Variants in NR2F6 observed in about 807,000 individuals in gnomAD.
NR2F6 encodes nuclear receptor subfamily 2 group F member 6.
NR2F6 carries 16 observed loss-of-function variants against 26.5 expected under a neutral mutation model. The observed-to-expected ratio is 0.60, with a 90% confidence interval of 0.41 to 0.92. NR2F6 has a LOEUF of 0.92. Among genes scored for constraint, NR2F6 ranks in the 40% least tolerant of loss-of-function variants. NR2F6 has a pLI of 0.00. For missense variants in NR2F6, 536 were observed against 631.7 expected, an observed-to-expected ratio of 0.85 and a Z score of 1.62; for synonymous variants, 325 against 305.0, an observed-to-expected ratio of 1.07 and a Z score of -0.68.
Position 17,240,948 on chromosome 19 carries a change from C to T in NR2F6, c.279-183G>A, listed in dbSNP as rs532809304. ...GGTCTGCAAACCAGACAGGATAACC[C>T]GGATGAGTGGTGATGGATGAAGAGG... On this transcript the variant is annotated intron_variant, in intron 1 of 3. Coordinates refer to ENST00000291442, the MANE Select transcript of NR2F6 (RefSeq NM_005234.4). Among the ~76,000 whole-genome samples, 11 of 152,294 alleles carry T rather than the reference C, an allele frequency of 7.2e-5. No homozygotes were observed. The South Asian group carries it at 8.3e-4, about 11-fold the overall frequency.
At chr19:17,242,546 G>C (rs1031999811) in intron 1 of NR2F6, among the ~76,000 whole-genome samples, 2 of 152,122 alleles carry the variant, frequency 1.3e-5, no homozygotes. Flanking sequence ...GAGGATCTGC[G>C]CCCACTCCCC....
chr19:17,235,485 G>T lies in NR2F6; in HGVS notation c.940+14C>A, dbSNP rs971242076. 1.9e-6 allele frequency: 3 copies of T among 1,571,740 alleles called. No homozygotes were observed. The highest frequency in any genetic ancestry group is 2.6e-6 in the Non-Finnish European group (3 of 1,165,400). On this transcript the variant is annotated intron_variant, in intron 3 of 3. Transcript: ENST00000291442. The surrounding 1 kb of genome is among the most constrained non-coding windows in gnomAD (Gnocchi z 5.0). ...GTCCCCCCATCCCGCGGCCCTCTTCGGAGCGTGGCTCACCGGGCGTGAAGA... is the reference window on the plus strand; with the variant it reads ...GTCCCCCCATCCCGCGGCCCTCTTCTGAGCGTGGCTCACCGGGCGTGAAGA...
rs1235104018 is a variant in NR2F6, at chr19:17,232,313, T to C, written c.*39A>G. 6.2e-7 allele frequency: 1 copy of C among 1,613,274 alleles called. No homozygotes were observed. Among genetic ancestry groups the C allele is most frequent in the Admixed American group, 1.7e-5 (1 of 59,986 alleles). On this transcript the variant is annotated 3_prime_UTR_variant, in exon 4 of 4. Transcript: ENST00000291442. ...AGCATTCCCTGTCCCTTGAGGTCTG[T>C]CTGCAGGCCTGGCCACAGCACACGT...
intron 2 of NR2F6, among the ~76,000 whole-genome samples, chr19:17,238,779 A>G (rs2073452928): frequency 2.0e-5 from 3 of 152,198 alleles, no homozygotes; most frequent in Admixed American, 2.0e-4. Context: ...AAAAAACAAC[A>G]GCTTTACGCC....
In NR2F6 at chr19:17,245,289, G is replaced by A; in HGVS notation, c.-69C>T. The A allele has an allele frequency of 8.5e-7, 1 of 1,175,554 alleles. No homozygotes were observed. The highest frequency in any genetic ancestry group is 1.1e-6 in the Non-Finnish European group (1 of 949,128). The allele number at this position is 1,175,554 out of a possible 1,614,324, so 72.8% of individuals were successfully genotyped here. On this transcript the variant is annotated 5_prime_UTR_variant, in exon 1 of 4. Transcript: ENST00000291442. This position sits in a 1 kb window ranked among gnomAD's most constrained non-coding sequence, Gnocchi z 5.0. Reference sequence around the variant, plus strand: ...CCTCCGGGCACCCCTCTCGGCCCGGGGGACCCTACGCGGCGCGCATTCGGC... The same window carrying A: ...CCTCCGGGCACCCCTCTCGGCCCGGAGGACCCTACGCGGCGCGCATTCGGC...
In NR2F6 at chr19:17,235,721, T is replaced by C; in HGVS notation, c.718A>G (p.Ser240Gly). 1 of 1,501,972 alleles carries C rather than the reference T, an allele frequency of 6.7e-7. No homozygotes were observed. Among genetic ancestry groups the C allele is most frequent in the Non-Finnish European group, 8.8e-7 (1 of 1,134,314 alleles). 93.0% of individuals were successfully genotyped at this position (1,501,972 alleles called of 1,614,324 possible). The part of the protein sequence containing the change: ...DQVALLRLSW[S>G]ELFVLNAAQA... ...GCCGCGTTCAGCACGAAGAGCTCGC[T>C]CCAGCTCAGGCGCAGCAGCGCCACC... is the stretch of plus-strand genomic sequence containing the variant. Residue 240 changes from serine (S) to glycine (G), a missense_variant, in exon 3 of 4, where the codon AGC (serine) becomes GGC (glycine). By Grantham distance (56) the Ser-to-Gly change is moderately conservative. Coordinates refer to ENST00000291442, the MANE Select transcript of NR2F6 (RefSeq NM_005234.4). The surrounding 1 kb of genome is among the most constrained non-coding windows in gnomAD (Gnocchi z 5.0).
chr19:17,237,577 A>G (rs1054669155), intron 2 of NR2F6, among the ~76,000 whole-genome samples: 1 of 151,594 alleles, frequency 6.6e-6, no homozygotes, highest in Non-Finnish European at 1.5e-5. Flanking sequence ...ACGCCTGGCT[A>G]ATTTTTGTAT....
intron 1 of NR2F6, among the ~76,000 whole-genome samples, chr19:17,241,949 G>C (rs1288570073): frequency 1.3e-5 from 2 of 151,408 alleles, no homozygotes; most frequent in African/African-American, 4.9e-5. Flanking sequence ...TGGGGAGGTG[G>C]AGGTTGCAGT....
chr19:17,234,349 T>C lies in NR2F6; in HGVS notation c.940+1150A>G, dbSNP rs970708360. 3.9e-5 allele frequency among the ~76,000 whole-genome samples: 6 copies of C among 152,216 alleles called. No individual in the cohort carries two copies. In the East Asian group the frequency reaches 9.7e-4, roughly 24 times the overall value. On this transcript the variant is annotated intron_variant, in intron 3 of 3. Coordinates refer to ENST00000291442, the MANE Select transcript of NR2F6 (RefSeq NM_005234.4). ...GGGAAAATCAGAGCTCACTGGAGCC[T>C]CGAACTCCTGGGCTCAAGTGGTTCT...
rs2073413948 is a variant in NR2F6, at chr19:17,232,609, C to G, written c.958G>C (p.Asp320His). ...TGCAGGCTCTCAACGTGGGCCGGGT[C>G]TGAGAGGCCACAGGCGTCTAGGGGG... The part of the protein sequence containing the change: ...LFTPDACGLS[D>H]PAHVESLQEK... Residue 320 changes from aspartate to histidine, a missense_variant, in exon 4 of 4, where the codon GAC becomes CAC. Asp to His is a moderately conservative substitution (Grantham distance 81). Coordinates refer to ENST00000291442, the MANE Select transcript of NR2F6 (RefSeq NM_005234.4). 6.5e-7 allele frequency: 1 copy of G among 1,549,548 alleles called. No homozygotes were observed. The highest frequency in any genetic ancestry group is 2.3e-5 in the East Asian group (1 of 44,368).
rs1275857402 is a variant in NR2F6, at chr19:17,235,844, T to C, written c.595A>G (p.Ile199Val). 124 of 1,473,364 alleles carry C rather than the reference T, an allele frequency of 8.4e-5. No individual in the cohort carries two copies. The highest frequency in any genetic ancestry group is 1.1e-4 in the Non-Finnish European group (121 of 1,121,052). 91.3% of individuals were successfully genotyped at this position (1,473,364 alleles called of 1,614,324 possible). A position where few individuals can be genotyped will look rare whatever the true frequency, so the allele number is the denominator to read the frequency against. Residue 199 changes from isoleucine to valine, a missense_variant, in exon 3 of 4, where the codon ATC becomes GTC. By Grantham distance (29) the Ile-to-Val change is conservative. Transcript: ENST00000291442. This position sits in a 1 kb window ranked among gnomAD's most constrained non-coding sequence, Gnocchi z 5.0. ...GGGAAGAVLGIDNVCELAARL... is the reference protein window; with the variant it reads ...GGGAAGAVLGVDNVCELAARL... The stretch of plus-strand genomic sequence containing the variant: ...GCCGCCAGCTCGCACACGTTGTCGA[T>C]GCCCAGCACCGCGCCCGCCGCGCCG...
In NR2F6 at chr19:17,245,209, C is replaced by A; in HGVS notation, c.12G>T (p.Val4=). 1 of 1,367,212 alleles carries A rather than the reference C, an allele frequency of 7.3e-7. No individual in the cohort carries two copies. Among genetic ancestry groups the A allele is most frequent in the South Asian group, 1.7e-5 (1 of 60,106 alleles). The allele number at this position is 1,367,212 out of a possible 1,614,324, so 84.7% of individuals were successfully genotyped here. The change falls in exon 1 of 4, where the codon GTG becomes GTT. Residue 4 remains valine (V), a synonymous_variant. Coordinates refer to ENST00000291442, the MANE Select transcript of NR2F6 (RefSeq NM_005234.4). The surrounding 1 kb of genome is among the most constrained non-coding windows in gnomAD (Gnocchi z 5.0). The part of the protein sequence containing the change: MAM[V]TGGWGGPGGD... ...CGCCGGGGCCGCCCCAGCCGCCGGT[C>A]ACCATGGCCATAGCCCCAGGGCAGC...
At position 17,245,370 on chromosome 19, in the gene NR2F6, C is replaced by T; in HGVS notation, c.-150G>A. ...CCCAAAAAAGTTTTGCAGCAACTTC[C>T]TGCGGCCGGTCCTCGCGCCCGGGCG... is the stretch of plus-strand genomic sequence containing the variant. On this transcript the variant is annotated 5_prime_UTR_variant, in exon 1 of 4. Coordinates refer to ENST00000291442, the MANE Select transcript of NR2F6 (RefSeq NM_005234.4). The surrounding 1 kb of genome is among the most constrained non-coding windows in gnomAD (Gnocchi z 5.0). The T allele has an allele frequency of 1.6e-6, 1 of 610,078 alleles. No homozygotes were observed. 37.8% of individuals were successfully genotyped at this position (610,078 alleles called of 1,614,324 possible). A position where few individuals can be genotyped will look rare whatever the true frequency, so the allele number is the denominator to read the frequency against.
chr19:17,242,545 C>T (rs999113396), intron 1 of NR2F6, among the ~76,000 whole-genome samples: 4 of 152,146 alleles, frequency 2.6e-5, no homozygotes, highest in Admixed American at 6.5e-5. Context: ...TGAGGATCTG[C>T]GCCCACTCCC....
intron 2 of NR2F6, among the ~76,000 whole-genome samples, chr19:17,238,179 AAAT>A (rs1208777950): frequency 3.9e-5 from 6 of 152,136 alleles, no homozygotes; most frequent in Admixed American, 6.6e-5. Context: ...CTATACCTTA[AAAT>A]AATGCCTGCC....
intron 2 of NR2F6, among the ~76,000 whole-genome samples, chr19:17,236,790 AG>A (rs2073441091): frequency 7.6e-6 from 1 of 131,608 alleles, no homozygotes; most frequent in Admixed American, 7.8e-5. Context: ...TACAGTAAGG[AG>A]GGGTCCCAGG....
At chr19:17,237,656 C>G (rs966563499) in intron 2 of NR2F6, among the ~76,000 whole-genome samples, 1 of 152,016 alleles carries the variant, frequency 6.6e-6, no homozygotes, top group African/African-American at 2.4e-5. Flanking sequence ...GTGATCTGCC[C>G]ACCTCGGCCT....
intron 1 of NR2F6, among the ~76,000 whole-genome samples, chr19:17,242,522 A>G (rs2073475044): frequency 6.6e-6 from 1 of 152,148 alleles, no homozygotes; most frequent in African/African-American, 2.4e-5. Context: ...CGGAGAACCC[A>G]ACTTAGGAAA....
intron 3 of NR2F6, 121 bp from the exon 4 acceptor site, chr19:17,232,747 T>C: frequency 2.5e-6 from 3 of 1,222,470 alleles, no homozygotes; most frequent in Non-Finnish European, 3.3e-6. Context: ...GCATGATGGC[T>C]CACGGCCACA....
Sources: gnomAD v4.1 joint callset for allele counts (sites outside exome capture counted in the v4.1 genomes callset) on GRCh38, gnomAD v4.1.1 for gene constraint, Gnocchi (gnomAD v3.1) non-coding constraint, MANE v1.5 for transcripts, NCBI Gene and HGNC (gene_info 2026-07-23, HGNC 2026-07-21) for gene names.